Variants in CADPS observed in about 807,000 individuals in gnomAD.
CADPS encodes calcium-dependent secretion activator 1.
CADPS carries 57 observed loss-of-function variants against 167.3 expected under a neutral mutation model. The ratio of observed to expected loss-of-function variants is 0.34; its 90% confidence interval spans 0.28 to 0.42. CADPS has a LOEUF of 0.42. Ranked by LOEUF, CADPS falls within the 20% of genes least tolerant of loss-of-function variation. The probability of loss-of-function intolerance (pLI) is 1.00; values close to 1 mark genes in which losing one functional copy is unlikely to be tolerated. For missense variants in CADPS, 1,414 were observed against 1,738.1 expected (o/e 0.81, Z 3.32); for synonymous variants, 676 against 635.3 (o/e 1.06, Z -0.96).
At chr3:62,450,908 T>G (rs955030880) in intron 26 of CADPS, among the ~76,000 whole-genome samples, 1 of 152,320 alleles carries the variant, frequency 6.6e-6, no homozygotes, top group African/African-American at 2.4e-5. Context: ...CAACTTGGCT[T>G]GAAGGCACAT....
chr3:62,559,076 G>C lies in CADPS; in HGVS notation c.1645-1563C>G, dbSNP rs553452932. On this transcript the variant is annotated intron_variant, in intron 9 of 29. Coordinates refer to ENST00000383710, the MANE Select transcript of CADPS (RefSeq NM_003716.4). ...TCTTATTGTTGCTAGAGAATTAATTGAGTTTTACATACCATGTGTGATACC... is the reference window on the plus strand; with the variant it reads ...TCTTATTGTTGCTAGAGAATTAATTCAGTTTTACATACCATGTGTGATACC... Among the ~76,000 whole-genome samples the C allele has an allele frequency of 5.3e-5, 8 of 152,238 alleles. No individual in the cohort carries two copies. The South Asian group carries it at 1.7e-3, about 32-fold the overall frequency.
intron 29 of CADPS, among the ~76,000 whole-genome samples, chr3:62,400,551 A>T (rs967902256): frequency 1.7e-4 from 26 of 151,408 alleles, no homozygotes; most frequent in Non-Finnish European, 1.8e-4. Flanking sequence ...CAAGACAAGG[A>T]ATGCTAACAT....
rs533033847 is a variant in CADPS at position 62,745,912 on chromosome 3, A to C, written c.888+7529T>G. ...ATGAAATCTAGAAGAAGAGATAGAC[A>C]ATAATAGAAAATAAGTGTGCAAAGC... On this transcript the variant is annotated intron_variant, in intron 3 of 29. Transcript: ENST00000383710. Among the ~76,000 whole-genome samples the C allele has an allele frequency of 1.1e-4, 17 of 152,376 alleles. No individual in the cohort carries two copies. The East Asian group carries it at 2.5e-3, about 22-fold the overall frequency.
At chr3:62,567,611 G>A (rs1215582582) in intron 9 of CADPS, among the ~76,000 whole-genome samples, 2 of 109,026 alleles carry the variant, frequency 1.8e-5, no homozygotes, top group Non-Finnish European at 3.3e-5. Flanking sequence ...GTCTCACTCT[G>A]TCTCCCAGGC....
At chr3:62,677,977 G>T (rs749850284) in intron 3 of CADPS, among the ~76,000 whole-genome samples, 35 of 152,074 alleles carry the variant, frequency 2.3e-4, no homozygotes, top group Non-Finnish European at 3.7e-4. Flanking sequence ...TTACACAGGG[G>T]TTAAACAACT....
chr3:62,855,305 T>C (rs2079468515), intron 1 of CADPS, among the ~76,000 whole-genome samples: 2 of 151,908 alleles, frequency 1.3e-5, no homozygotes, highest in South Asian at 2.1e-4. Context: ...AGCATGGAAG[T>C]TGGATTCCTC....
chr3:62,689,353 T>C (rs911536878), intron 3 of CADPS, among the ~76,000 whole-genome samples: 8 of 152,046 alleles, frequency 5.3e-5, no homozygotes, highest in African/African-American at 1.9e-4. Context: ...AACTTTAAAA[T>C]TGTAATGTAA....
chr3:62,708,544 G>C (rs779654557), intron 3 of CADPS, among the ~76,000 whole-genome samples: 3 of 151,992 alleles, frequency 2.0e-5, no homozygotes, highest in Non-Finnish European at 4.4e-5. Flanking sequence ...CAGGCATCCT[G>C]TCCCCTGAGC....
intron 3 of CADPS, among the ~76,000 whole-genome samples, chr3:62,670,970 A>G (rs938012403): frequency 6.6e-6 from 1 of 152,200 alleles, no homozygotes; most frequent in Non-Finnish European, 1.5e-5. Flanking sequence ...GTCATAGCGC[A>G]TGGTAGTCAG....
rs532246795 is a variant in CADPS, at chr3:62,753,236, C to G, written c.888+205G>C. ...AGGGCCCCTGAGACTTTTAAGGGCT[C>G]ATAAAAATGTTTTATTTATTTATTT... On this transcript the variant is annotated intron_variant, in intron 3 of 29. Transcript: ENST00000383710. The surrounding 1 kb of genome is among the most constrained non-coding windows in gnomAD (Gnocchi z 4.6). Among the ~76,000 whole-genome samples, 51 of 152,158 alleles carry G rather than the reference C, an allele frequency of 3.4e-4. No individual in the cohort carries two copies. Among genetic ancestry groups the G allele is most frequent in the Non-Finnish European group, 6.3e-4 (43 of 68,016 alleles).
intron 1 of CADPS, among the ~76,000 whole-genome samples, chr3:62,850,694 C>A (rs1298728296): frequency 5.9e-5 from 9 of 151,790 alleles, no homozygotes; most frequent in Non-Finnish European, 8.8e-5. Flanking sequence ...TAACTTCCAA[C>A]TATGTGGTCA....
At chr3:62,434,403 C>A (rs1343030319) in intron 28 of CADPS, among the ~76,000 whole-genome samples, 1 of 152,054 alleles carries the variant, frequency 6.6e-6, no homozygotes, top group Non-Finnish European at 1.5e-5. Flanking sequence ...TCAAAAAAGT[C>A]ATTAGTATTT....
At chr3:62,452,833 G>A (rs1035387540) in intron 26 of CADPS, among the ~76,000 whole-genome samples, 1 of 152,184 alleles carries the variant, frequency 6.6e-6, no homozygotes, top group African/African-American at 2.4e-5. Context: ...GACAACAAAG[G>A]CTGGGTGCAG....
chr3:62,720,382 C>CA (rs1349693813), intron 3 of CADPS, among the ~76,000 whole-genome samples: 2 of 151,088 alleles, frequency 1.3e-5, no homozygotes, highest in Non-Finnish European at 2.9e-5. Flanking sequence ...ACTCAGACTG[C>CA]AGTGCAGTGG....
At chr3:62,628,118 T>G (rs1183314525) in intron 6 of CADPS, among the ~76,000 whole-genome samples, 1 of 152,198 alleles carries the variant, frequency 6.6e-6, no homozygotes, top group East Asian at 1.9e-4. Flanking sequence ...CGTTCTGCTG[T>G]GTGACTTGCT....
intron 1 of CADPS, among the ~76,000 whole-genome samples, chr3:62,781,261 G>A (rs2091535005): frequency 6.6e-6 from 1 of 152,150 alleles, no homozygotes; most frequent in Non-Finnish European, 1.5e-5. Flanking sequence ...AAAGCCACCA[G>A]CCCTTTAGCA....
chr3:62,619,883 A>T (rs561071321), intron 6 of CADPS, among the ~76,000 whole-genome samples: 3 of 152,184 alleles, frequency 2.0e-5, no homozygotes, highest in African/African-American at 7.2e-5. Context: ...TTTGTTGGAG[A>T]CCATCAATAT....
intron 1 of CADPS, among the ~76,000 whole-genome samples, chr3:62,827,619 A>G (rs1576977100): frequency 8.5e-6 from 1 of 117,680 alleles, no homozygotes; most frequent in Non-Finnish European, 2.0e-5. Flanking sequence ...CTAAGACTCT[A>G]TGAATAATCA....
At chr3:62,576,787 C>CAAAAAAAAAAAAAA (rs2082346847) in intron 8 of CADPS, among the ~76,000 whole-genome samples, 1 of 44,864 alleles carries the variant, frequency 2.2e-5, no homozygotes, top group Non-Finnish European at 3.5e-5. Context: ...AAGACTCTGT[C>CAAAAAAAAAAAAAA]TAAAAAAAAA....
Sources: gnomAD v4.1 joint callset for allele counts (sites outside exome capture counted in the v4.1 genomes callset) on GRCh38, gnomAD v4.1.1 for gene constraint, Gnocchi (gnomAD v3.1) non-coding constraint, MANE v1.5 for transcripts, NCBI Gene and HGNC (gene_info 2026-07-23, HGNC 2026-07-21) for gene names.